Variants in CREM observed in about 807,000 individuals in gnomAD.
The protein encoded by CREM is cAMP responsive element modulator.
In CREM, 13 loss-of-function variants were observed where a neutral mutation model predicts 37.3. The ratio of observed to expected loss-of-function variants is 0.35; its 90% CI spans 0.23 to 0.55. The LOEUF (loss-of-function observed/expected upper bound fraction) is 0.55. Among genes scored for constraint, CREM ranks in the 20% least tolerant of loss-of-function variants. The pLI is 0.88. For synonymous variants in CREM, 124 were observed against 120.2 expected (o/e 1.03, Z -0.21); for missense variants, 296 against 362.3 (o/e 0.82, Z 1.49).
intron 1 of CREM, among the ~76,000 whole-genome samples, chr10:35,134,064 T>TG (rs2089980777): frequency 6.6e-6 from 1 of 151,868 alleles, no homozygotes; most frequent in Non-Finnish European, 1.5e-5. Flanking sequence ...TGTTTTTTTT[T>TG]TTTTTTCAAG....
chr10:35,131,605 A>C (rs2089398098), intron 1 of CREM, among the ~76,000 whole-genome samples: 1 of 152,188 alleles, frequency 6.6e-6, no homozygotes, highest in Admixed American at 6.5e-5. Context: ...TTTACTCTTA[A>C]AATTTCTGGA....
chr10:35,167,718 T>C, intron 3 of CREM: 1 of 1,613,860 alleles, frequency 6.2e-7, no homozygotes, highest in Non-Finnish European at 8.5e-7. Context: ...TAGTGGGATT[T>C]TTGGTGGATG....
At chr10:35,139,941 T>C (rs544408219) in intron 2 of CREM, among the ~76,000 whole-genome samples, 1 of 152,242 alleles carries the variant, frequency 6.6e-6, no homozygotes, top group South Asian at 2.1e-4. Flanking sequence ...GGTACAGTGC[T>C]TGACCCATGT....
Position 35,188,315 on chromosome 10 carries a change from T to G in CREM, c.525T>G (p.Ile175Met), listed in dbSNP as rs2094742492. The G allele has an allele frequency of 1.2e-6, 2 of 1,614,188 alleles. No individual in the cohort carries two copies. Among genetic ancestry groups the G allele is most frequent in the East Asian group, 4.5e-5 (2 of 44,884 alleles). ...GAGCTCCTCCACCAGGTGCTACAATTGTACAGTACGCAGCACAATCAGCTG... is the reference window on the plus strand; with the variant it reads ...GAGCTCCTCCACCAGGTGCTACAATGGTACAGTACGCAGCACAATCAGCTG... ...NSGAPPPGAT[I>M]VQYAAQSADG... Residue 175 changes from isoleucine to methionine, a missense_variant, in exon 6 of 8, where the codon ATT becomes ATG. Coordinates refer to ENST00000685392, the MANE Select transcript of CREM (RefSeq NM_183011.2).
intron 3 of CREM, among the ~76,000 whole-genome samples, chr10:35,166,252 T>C (rs545277954): frequency 1.4e-5 from 2 of 141,386 alleles, no homozygotes; most frequent in East Asian, 2.1e-4. Context: ...AGCCACACTA[T>C]CTTAAAAACA....
At chr10:35,189,725 A>G (rs1292390135) in intron 6 of CREM, among the ~76,000 whole-genome samples, 1 of 152,178 alleles carries the variant, frequency 6.6e-6, no homozygotes, top group East Asian at 1.9e-4. Context: ...CGTATTGCCC[A>G]GGCTGGTCGT....
chr10:35,138,526 ATTTTTTTT>A (rs752036917), intron 2 of CREM, among the ~76,000 whole-genome samples: 18 of 136,932 alleles, frequency 1.3e-4, no homozygotes, highest in African/African-American at 1.6e-4. Flanking sequence ...AAATTTTAGA[ATTTTTTTT>A]TTTTTTTTTT....
intron 3 of CREM, among the ~76,000 whole-genome samples, chr10:35,155,468 A>G (rs924508345): frequency 1.3e-5 from 2 of 152,236 alleles, no homozygotes; most frequent in African/African-American, 4.8e-5. Context: ...TAACACTACA[A>G]ACTACACTTA....
intron 5 of CREM, among the ~76,000 whole-genome samples, chr10:35,184,099 TAAG>T (rs1468954183): frequency 6.6e-6 from 1 of 151,876 alleles, no homozygotes; most frequent in African/African-American, 2.4e-5. Context: ...AATAAATAAA[TAAG>T]AAGTGTATAA....
chr10:35,187,186 AATATATT>A (rs2094671496), intron 5 of CREM, among the ~76,000 whole-genome samples: 1 of 64,540 alleles, frequency 1.5e-5, no homozygotes, highest in East Asian at 4.4e-4. Flanking sequence ...TTAATATATA[AATATATT>A]AATATATAAT....
intron 1 of CREM, among the ~76,000 whole-genome samples, chr10:35,134,508 C>T (rs1589221097): frequency 6.6e-6 from 1 of 152,294 alleles, no homozygotes; most frequent in Admixed American, 6.5e-5. Context: ...TGAGCCACAG[C>T]GCCTGGCCTC....
chr10:35,188,637 A>G (rs1255161775), intron 6 of CREM, among the ~76,000 whole-genome samples: 1 of 151,980 alleles, frequency 6.6e-6, no homozygotes, highest in Non-Finnish European at 1.5e-5. Flanking sequence ...TGATAGAAAA[A>G]GAGAGATAGA....
At chr10:35,131,304 TCA>T (rs746057342) in intron 1 of CREM, among the ~76,000 whole-genome samples, 28 of 152,330 alleles carry the variant, frequency 1.8e-4, no homozygotes, top group Non-Finnish European at 2.9e-4. Flanking sequence ...CAAAATAAAC[TCA>T]GTGTCTTTAA....
chr10:35,205,513 A>C (rs1052635604), intron 6 of CREM, among the ~76,000 whole-genome samples: 1 of 152,170 alleles, frequency 6.6e-6, no homozygotes, highest in African/African-American at 2.4e-5. Context: ...TGAGAATTGC[A>C]CTTAAAGACA....
intron 5 of CREM, among the ~76,000 whole-genome samples, chr10:35,180,967 T>A (rs1178527313): frequency 6.6e-6 from 1 of 152,234 alleles, no homozygotes; most frequent in Non-Finnish European, 1.5e-5. Context: ...ACTGCTGAAA[T>A]GACACTAAGA....
At chr10:35,150,462 G>C (rs532932687) in intron 3 of CREM, among the ~76,000 whole-genome samples, 1 of 152,212 alleles carries the variant, frequency 6.6e-6, no homozygotes, top group South Asian at 2.1e-4. Flanking sequence ...ATCTAAATAT[G>C]GTAATTTGCA....
At chr10:35,162,622 C>T (rs1354546046) in intron 3 of CREM, among the ~76,000 whole-genome samples, 2 of 152,004 alleles carry the variant, frequency 1.3e-5, no homozygotes, top group Non-Finnish European at 2.9e-5. Context: ...TCTTTCTCTC[C>T]TGCTTGTCTC....
At chr10:35,165,841 A>G (rs1428572987) in intron 3 of CREM, among the ~76,000 whole-genome samples, 1 of 152,128 alleles carries the variant, frequency 6.6e-6, no homozygotes, top group Non-Finnish European at 1.5e-5. Context: ...TAGCTAGGGC[A>G]CTGTTCTCAA....
At chr10:35,183,819 A>C (rs745923441) in intron 5 of CREM, among the ~76,000 whole-genome samples, 1 of 152,238 alleles carries the variant, frequency 6.6e-6, no homozygotes, top group Non-Finnish European at 1.5e-5. Flanking sequence ...TCACGCCTGT[A>C]ATCCCAGCAC....
Sources: allele counts gnomAD v4.1 joint callset (sites outside exome capture counted in the v4.1 genomes callset), GRCh38; gene constraint gnomAD v4.1.1; transcripts MANE v1.5; gene names NCBI Gene and HGNC (gene_info 2026-07-23, HGNC 2026-07-21).